SLC35A5: variants seen among roughly 807,000 people sequenced by gnomAD.
The protein encoded by SLC35A5 is UDP-sugar transporter protein SLC35A5.
Under a neutral mutation model 36.3 loss-of-function variants are expected in SLC35A5, and 28 were observed. That is an observed-to-expected ratio of 0.77 (90% CI 0.57 to 1.06). The LOEUF is 1.06. Among genes scored for constraint, SLC35A5 ranks in the 50% least tolerant of loss-of-function variants. The pLI is 0.00. For synonymous variants in SLC35A5, 180 were observed against 173.7 expected (o/e 1.04, Z -0.29); for missense variants, 521 against 499.3 (o/e 1.04, Z -0.41).
intron 2 of SLC35A5, among the ~76,000 whole-genome samples, chr3:112,567,394 A>C (rs140363932): frequency 0.017 from 2,631 of 152,018 alleles, 70 homozygotes; most frequent in African/African-American, 0.059. Flanking sequence ...CCCAGGTTCA[A>C]GCATTCTCTT....
intron 5 of SLC35A5, among the ~76,000 whole-genome samples, chr3:112,577,550 C>G (rs1274386095): frequency 6.6e-6 from 1 of 152,146 alleles, no homozygotes; most frequent in Non-Finnish European, 1.5e-5. Flanking sequence ...TTTGCTTTAG[C>G]TTTGGGAAAT....
chr3:112,575,371 T>A (rs1934618810), intron 5 of SLC35A5, among the ~76,000 whole-genome samples: 2 of 152,204 alleles, frequency 1.3e-5, no homozygotes, highest in South Asian at 4.1e-4. Flanking sequence ...AAGTATGTAT[T>A]GCCTGACTTG....
intron 2 of SLC35A5, 77 bp from the exon 3 acceptor site, chr3:112,569,094 A>G: frequency 8.6e-7 from 1 of 1,167,024 alleles, no homozygotes; most frequent in Non-Finnish European, 1.2e-6. Flanking sequence ...TTAAATTTTA[A>G]AACAATTATG....
chr3:112,583,067 TACACATAG>T lies in SLC35A5; in HGVS notation c.*333_*340del. ...AATCATGTTAGCTATAGCTTGTATA[TACACATAG>T]AGATCAATTTGCCAAATATTCACAA... On this transcript the variant is annotated 3_prime_UTR_variant, in exon 7 of 7. Transcript: ENST00000492406. 4.9e-6 allele frequency: 2 copies of T among 408,228 alleles called. No individual in the cohort carries two copies. Among genetic ancestry groups the T allele is most frequent in the Non-Finnish European group, 4.3e-6 (1 of 231,884 alleles). 25.3% of individuals were successfully genotyped at this position (408,228 alleles called of 1,614,324 possible).
Position 112,562,227 on chromosome 3 carries a change from T to C in SLC35A5, c.-66T>C, listed in dbSNP as rs1216638261. On this transcript the variant is annotated 5_prime_UTR_variant, in exon 1 of 7. Coordinates refer to ENST00000492406, the MANE Select transcript of SLC35A5 (RefSeq NM_017945.5). The stretch of plus-strand genomic sequence containing the variant: ...ACTACGGGGCTAGACAGTTACTGTC[T>C]CAGCTCTAGGATGTGCGTTCTTCCA... 1 of 152,608 alleles carries C rather than the reference T, an allele frequency of 6.6e-6. No homozygotes were observed. The highest frequency in any genetic ancestry group is 1.5e-5 in the Non-Finnish European group (1 of 68,132). The allele number at this position is 152,608 out of a possible 1,614,324, so 9.5% of individuals were successfully genotyped here.
upstream of SLC35A5, chr3:112,561,565 T>C (rs1205214507): frequency 6.3e-7 from 1 of 1,597,148 alleles, no homozygotes; most frequent in Non-Finnish European, 8.5e-7. Flanking sequence ...CGCGACGGGA[T>C]GGAAAGTGCA....
chr3:112,564,773 G>A (rs1048749003), intron 2 of SLC35A5, among the ~76,000 whole-genome samples: 4 of 152,160 alleles, frequency 2.6e-5, no homozygotes, highest in South Asian at 2.1e-4. Flanking sequence ...GTGTCCCTGC[G>A]TACTTGAGAT....
chr3:112,571,961 A>G (rs1454380406), intron 4 of SLC35A5, among the ~76,000 whole-genome samples: 3 of 92,962 alleles, frequency 3.2e-5, no homozygotes, highest in African/African-American at 8.5e-5. Context: ...TTTGAGACGG[A>G]GTCTTGCTCT....
In SLC35A5 at chr3:112,585,512, T is replaced by C. The variant is rs1325466478; in HGVS notation, c.*2776T>C. The C allele has an allele frequency of 6.6e-6, 1 of 152,090 alleles. No individual in the cohort carries two copies. Among genetic ancestry groups the C allele is most frequent in the Non-Finnish European group, 1.5e-5 (1 of 68,020 alleles). 9.4% of individuals were successfully genotyped at this position (152,090 alleles called of 1,614,324 possible). On this transcript the variant is annotated 3_prime_UTR_variant, in exon 7 of 7. Coordinates refer to ENST00000492406, the MANE Select transcript of SLC35A5 (RefSeq NM_017945.5). The stretch of plus-strand genomic sequence containing the variant: ...CTTCACCATTATGCAATGTACCATA[T>C]ATACGCAATGTAACAAACCTGTACA...
intron 4 of SLC35A5, among the ~76,000 whole-genome samples, chr3:112,571,116 G>C (rs1378878402): frequency 6.6e-6 from 1 of 152,064 alleles, no homozygotes; most frequent in Admixed American, 6.5e-5. Context: ...TATTTGTATG[G>C]TTTTCTTTTC....
chr3:112,568,175 T>A (rs1934283324), intron 2 of SLC35A5, among the ~76,000 whole-genome samples: 1 of 152,180 alleles, frequency 6.6e-6, no homozygotes, highest in Non-Finnish European at 1.5e-5. Context: ...GGTAGTGCTA[T>A]AAGAACAGAG....
At chr3:112,568,383 T>C (rs764629962) in intron 2 of SLC35A5, among the ~76,000 whole-genome samples, 1 of 152,208 alleles carries the variant, frequency 6.6e-6, no homozygotes, top group Non-Finnish European at 1.5e-5. Context: ...TAGTACCCAA[T>C]AAAGTTTATG....
rs554808331 is a variant in SLC35A5, at chr3:112,570,462, A to G, written c.230-78A>G. The G allele has an allele frequency of 2.1e-5, 30 of 1,429,686 alleles. No homozygotes were observed. The East Asian group carries it at 4.2e-4, about 20-fold the overall frequency. 88.6% of individuals were successfully genotyped at this position (1,429,686 alleles called of 1,614,324 possible). A position where few individuals can be genotyped will look rare whatever the true frequency, so the allele number is the denominator to read the frequency against. ...AAAGCTCCCTTTAAAGAATTGTATC[A>G]GTAATCAAGTGCAGTGTAATTTCTC... On this transcript the variant is annotated intron_variant, in intron 3 of 6. Transcript: ENST00000492406.
intron 4 of SLC35A5, among the ~76,000 whole-genome samples, chr3:112,571,923 G>GTTTTTTT (rs58561218): frequency 1.9e-5 from 1 of 53,824 alleles, no homozygotes; most frequent in Non-Finnish European, 3.4e-5. Flanking sequence ...ACTTTCCACA[G>GTTTTTTT]TTTTTTTTTT....
chr3:112,579,945 G>A (rs1486160628), intron 5 of SLC35A5, among the ~76,000 whole-genome samples: 3 of 152,196 alleles, frequency 2.0e-5, no homozygotes, highest in Admixed American at 2.0e-4. Context: ...GGATTGTTAG[G>A]ACTTTGTAAA....
Position 112,585,504 on chromosome 3 carries a change from G to C in SLC35A5, c.*2768G>C, listed in dbSNP as rs1935114584. The C allele has an allele frequency of 6.6e-6, 1 of 151,972 alleles. No individual in the cohort carries two copies. Among genetic ancestry groups the C allele is most frequent in the Non-Finnish European group, 1.5e-5 (1 of 68,014 alleles). 9.4% of individuals were successfully genotyped at this position (151,972 alleles called of 1,614,324 possible). On this transcript the variant is annotated 3_prime_UTR_variant, in exon 7 of 7. Coordinates refer to ENST00000492406, the MANE Select transcript of SLC35A5 (RefSeq NM_017945.5). ...AGCCCAAACTTCACCATTATGCAAT[G>C]TACCATATATACGCAATGTAACAAA...
Position 112,585,548 on chromosome 3 carries a change from CA to C in SLC35A5, c.*2814del, listed in dbSNP as rs2107457318. 1 of 132,866 alleles carries C rather than the reference CA, an allele frequency of 7.5e-6. No individual in the cohort carries two copies. Among genetic ancestry groups the C allele is most frequent in the South Asian group, 2.6e-4 (1 of 3,818 alleles). The allele number at this position is 132,866 out of a possible 1,614,324, so 8.2% of individuals were successfully genotyped here. Reference sequence around the variant, plus strand: ...TAACAAACCTGTACATGTACCCCTTCAATCTGAAATAAAAGTTGTTTTTTTT... The same window carrying C: ...TAACAAACCTGTACATGTACCCCTTCATCTGAAATAAAAGTTGTTTTTTTT... On this transcript the variant is annotated 3_prime_UTR_variant, in exon 7 of 7. Transcript: ENST00000492406.
intron 5 of SLC35A5, among the ~76,000 whole-genome samples, chr3:112,574,300 C>A (rs57472957): frequency 0.016 from 2,455 of 152,182 alleles, 56 homozygotes; most frequent in African/African-American, 0.052. Context: ...CAAATGGTTC[C>A]TAAGATTGTT....
intron 1 of SLC35A5, among the ~76,000 whole-genome samples, chr3:112,562,698 TC>T (rs1331684753): frequency 6.6e-6 from 1 of 152,244 alleles, no homozygotes; most frequent in Non-Finnish European, 1.5e-5. Context: ...ATAAGCTTTT[TC>T]CTCCGAGGGA....
Sources: allele counts gnomAD v4.1 joint callset (sites outside exome capture counted in the v4.1 genomes callset), GRCh38; gene constraint gnomAD v4.1.1; transcripts MANE v1.5; gene names NCBI Gene and HGNC (gene_info 2026-07-23, HGNC 2026-07-21).